The following GRIA1 variants were observed in gnomAD, a reference collection of about 807,000 sequenced individuals.
The protein encoded by GRIA1 is glutamate receptor 1.
GRIA1 carries 31 observed loss-of-function variants against 99.2 expected under a neutral mutation model. The observed-to-expected ratio is 0.31, with a 90% CI of 0.23 to 0.42. The LOEUF (loss-of-function observed/expected upper bound fraction) is 0.42. Ranked by LOEUF, GRIA1 falls within the 10% of genes least tolerant of loss-of-function variation. GRIA1 has a pLI of 1.00. For synonymous variants in GRIA1, 438 were observed against 432.4 expected (o/e 1.01, Z -0.16); for missense variants, 782 against 1,157.5 (o/e 0.68, Z 4.71).
chr5:153,749,076 C>A (rs1277310480), intron 11 of GRIA1, among the ~76,000 whole-genome samples: 1 of 152,096 alleles, frequency 6.6e-6, no homozygotes, highest in African/African-American at 2.4e-5. Context: ...AAAGAAGAAA[C>A]CAGCAACGGA....
At chr5:153,642,025 A>G (rs1485857204) in intron 2 of GRIA1, among the ~76,000 whole-genome samples, 1 of 152,224 alleles carries the variant, frequency 6.6e-6, no homozygotes. Flanking sequence ...ACCAAAGAAT[A>G]GGTGTGTATG....
intron 11 of GRIA1, among the ~76,000 whole-genome samples, chr5:153,737,348 T>C (rs1010286673): frequency 6.7e-6 from 1 of 149,200 alleles, no homozygotes; most frequent in African/African-American, 2.5e-5. Context: ...ATGAAACAAT[T>C]TGGAGCTCGG....
At chr5:153,774,141 G>A (rs1298013621) in intron 13 of GRIA1, among the ~76,000 whole-genome samples, 5 of 127,998 alleles carry the variant, frequency 3.9e-5, no homozygotes, top group African/African-American at 1.5e-4. Flanking sequence ...CCCATATGAT[G>A]CCATTTGACC....
intron 2 of GRIA1, among the ~76,000 whole-genome samples, chr5:153,536,265 T>G (rs1213344839): frequency 1.3e-5 from 2 of 152,138 alleles, no homozygotes; most frequent in African/African-American, 4.8e-5. Flanking sequence ...TCTTTCTTCA[T>G]CCCTGTCTCC....
intron 2 of GRIA1, among the ~76,000 whole-genome samples, chr5:153,558,858 A>T (rs2149349963): frequency 6.6e-6 from 1 of 152,274 alleles, no homozygotes; most frequent in African/African-American, 2.4e-5. Context: ...AAAACGGTCC[A>T]GGGCTCACAA....
At chr5:153,563,905 GTTAAA>G (rs1471417589) in intron 2 of GRIA1, among the ~76,000 whole-genome samples, 1 of 152,210 alleles carries the variant, frequency 6.6e-6, no homozygotes, top group Non-Finnish European at 1.5e-5. Context: ...GACATGAAAT[GTTAAA>G]TAATAAGATT....
At chr5:153,589,019 A>C (rs1019915579) in intron 2 of GRIA1, among the ~76,000 whole-genome samples, 14 of 152,164 alleles carry the variant, frequency 9.2e-5, no homozygotes, top group Admixed American at 7.2e-4. Flanking sequence ...GTCAATTTTT[A>C]TATTATTCTA....
intron 2 of GRIA1, among the ~76,000 whole-genome samples, chr5:153,550,470 T>C (rs1760036653): frequency 6.6e-6 from 1 of 152,076 alleles, no homozygotes; most frequent in Admixed American, 6.6e-5. Flanking sequence ...ATTGTTACTA[T>C]TATTGCTTGA....
At chr5:153,543,356 G>C (rs992477005) in intron 2 of GRIA1, among the ~76,000 whole-genome samples, 3 of 152,174 alleles carry the variant, frequency 2.0e-5, no homozygotes, top group Admixed American at 2.0e-4. Flanking sequence ...GTATATACAA[G>C]GCATGGTACT....
intron 2 of GRIA1, among the ~76,000 whole-genome samples, chr5:153,502,522 A>C (rs559305110): frequency 4.6e-5 from 7 of 152,216 alleles, no homozygotes; most frequent in African/African-American, 1.7e-4. Flanking sequence ...GACTATTGTC[A>C]TGAGGGGTCC....
intron 2 of GRIA1, among the ~76,000 whole-genome samples, chr5:153,630,426 G>C (rs576348357): frequency 1.1e-4 from 17 of 152,248 alleles, no homozygotes; most frequent in African/African-American, 4.1e-4. Context: ...GCTATGCTGT[G>C]GGCTTCTATG....
chr5:153,788,195 C>T (rs1442919876), intron 13 of GRIA1, among the ~76,000 whole-genome samples: 1 of 152,170 alleles, frequency 6.6e-6, no homozygotes, highest in Non-Finnish European at 1.5e-5. Context: ...TACACAATCT[C>T]AAGGGAAAAA....
chr5:153,731,299 A>T (rs1274244880), intron 11 of GRIA1, among the ~76,000 whole-genome samples: 1 of 143,026 alleles, frequency 7.0e-6, no homozygotes, highest in Non-Finnish European at 1.5e-5. Context: ...TCCATTCCAA[A>T]CTCCTGGGCC....
rs1260805431 is a variant in GRIA1, at chr5:153,741,351, T to C, written c.1824-23083T>C. Among the ~76,000 whole-genome samples, 4 of 152,194 alleles carry C rather than the reference T, an allele frequency of 2.6e-5. No individual in the cohort carries two copies. In the South Asian group the frequency reaches 8.3e-4, roughly 32 times the overall value. On this transcript the variant is annotated intron_variant, in intron 11 of 15. Coordinates refer to ENST00000285900, the MANE Select transcript of GRIA1 (RefSeq NM_000827.4). ...CTATGGAAAACAATATGGAGGTTCCTTAGAAAATTAAAAATAAAACTACCA... is the reference window on the plus strand; with the variant it reads ...CTATGGAAAACAATATGGAGGTTCCCTAGAAAATTAAAAATAAAACTACCA...
intron 2 of GRIA1, among the ~76,000 whole-genome samples, chr5:153,533,444 G>C (rs1362372986): frequency 6.6e-6 from 1 of 151,996 alleles, no homozygotes; most frequent in African/African-American, 2.4e-5. Context: ...ATGGGATTTG[G>C]ATAAGGCAAG....
At chr5:153,551,710 C>A (rs1158291241) in intron 2 of GRIA1, among the ~76,000 whole-genome samples, 2 of 152,156 alleles carry the variant, frequency 1.3e-5, no homozygotes, top group Admixed American at 6.6e-5. Context: ...AAGATTACAG[C>A]CAATCACTAT....
chr5:153,697,808 G>T (rs1234244097), intron 8 of GRIA1, among the ~76,000 whole-genome samples: 1 of 152,188 alleles, frequency 6.6e-6, no homozygotes, highest in African/African-American at 2.4e-5. Context: ...CTCAGAGGTG[G>T]CAATTTCCAA....
At chr5:153,663,885 T>C (rs1755555541) in intron 5 of GRIA1, among the ~76,000 whole-genome samples, 1 of 152,202 alleles carries the variant, frequency 6.6e-6, no homozygotes, top group Admixed American at 6.5e-5. Context: ...GGTGTGTGTA[T>C]CTTTCGATCT....
chr5:153,658,048 C>G (rs1399040120), intron 5 of GRIA1, among the ~76,000 whole-genome samples: 1 of 152,052 alleles, frequency 6.6e-6, no homozygotes, highest in Non-Finnish European at 1.5e-5. Flanking sequence ...GGGAAACAAC[C>G]AGCAAAGGGG....
Sources: allele counts gnomAD v4.1 joint callset (sites outside exome capture counted in the v4.1 genomes callset), GRCh38; gene constraint gnomAD v4.1.1; transcripts MANE v1.5; gene names NCBI Gene and HGNC (gene_info 2026-07-23, HGNC 2026-07-21).